KAZN: variants seen among roughly 807,000 people sequenced by gnomAD.
KAZN encodes the protein kazrin, periplakin interacting protein.
In KAZN, 40 loss-of-function variants were observed where a neutral mutation model predicts 87.4. The observed-to-expected ratio is 0.46, with a 90% CI of 0.36 to 0.60. The LOEUF (loss-of-function observed/expected upper bound fraction) is 0.60. KAZN is among the 20% of genes least tolerant of loss of function. The pLI is 0.00. For missense variants in KAZN, 898 were observed against 1,073.9 expected (o/e 0.84, Z 2.29); for synonymous variants, 466 against 458.3 (o/e 1.02, Z -0.22).
chr1:14,130,959 G>A (rs936649907), intron 1 of KAZN, among the ~76,000 whole-genome samples: 2 of 152,156 alleles, frequency 1.3e-5, no homozygotes, highest in Non-Finnish European at 2.9e-5. Context: ...GCACTGCTAT[G>A]AAGACATACC....
At chr1:14,002,859 A>T (rs1639859843) in intron 1 of KAZN, among the ~76,000 whole-genome samples, 1 of 152,198 alleles carries the variant, frequency 6.6e-6, no homozygotes, top group South Asian at 2.1e-4. Flanking sequence ...TACTGAGTAT[A>T]TACCCAAAGG....
intron 2 of KAZN, among the ~76,000 whole-genome samples, chr1:14,469,393 A>T (rs1668328609): frequency 6.6e-6 from 1 of 152,210 alleles, no homozygotes; most frequent in Admixed American, 6.5e-5. Flanking sequence ...GAAAACTAAA[A>T]ATTAGGAACT....
At chr1:14,543,219 G>A (rs533198152) in intron 2 of KAZN, among the ~76,000 whole-genome samples, 10 of 152,224 alleles carry the variant, frequency 6.6e-5, no homozygotes, top group Admixed American at 1.3e-4. Context: ...TACATCCTAG[G>A]GGCAGTGGCA....
chr1:13,921,370 T>C (rs577839378), intron 1 of KAZN, among the ~76,000 whole-genome samples: 20 of 152,330 alleles, frequency 1.3e-4, no homozygotes, highest in Admixed American at 2.0e-4. Context: ...AACTCTGTCA[T>C]TGCAGTGTGA....
chr1:15,082,975 G>C (rs952506552), intron 8 of KAZN, among the ~76,000 whole-genome samples: 1 of 152,138 alleles, frequency 6.6e-6, no homozygotes, highest in Non-Finnish European at 1.5e-5. Flanking sequence ...TGACATCCCT[G>C]ATCTAAAGAC....
intron 1 of KAZN, among the ~76,000 whole-genome samples, chr1:14,747,900 T>C (rs910365262): frequency 2.0e-5 from 3 of 152,250 alleles, no homozygotes; most frequent in African/African-American, 7.2e-5. Flanking sequence ...GAAGTGGTAT[T>C]CGGCTTATAT....
At chr1:14,711,858 A>G (rs935811254) in intron 1 of KAZN, among the ~76,000 whole-genome samples, 1 of 152,192 alleles carries the variant, frequency 6.6e-6, no homozygotes, top group Admixed American at 6.5e-5. Context: ...AAAGTCTGCG[A>G]CCAGATCCTG....
At position 14,944,473 on chromosome 1, in the gene KAZN, C is replaced by G. The variant is rs145740096; in HGVS notation, c.227-16211C>G. Among the ~76,000 whole-genome samples the G allele has an allele frequency of 3.9e-4, 59 of 152,210 alleles. No homozygotes were observed. The East Asian group carries it at 9.8e-3, about 25-fold the overall frequency. On this transcript the variant is annotated intron_variant, in intron 1 of 14. Transcript: ENST00000376030. ...GCCCCTGGAGATGGGATGGACCATT[C>G]TGGAATTGCAGGTCTCTCTCGCCTT...
intron 1 of KAZN, among the ~76,000 whole-genome samples, chr1:14,801,151 A>G (rs537109366): frequency 5.1e-4 from 77 of 151,972 alleles, no homozygotes; most frequent in African/African-American, 1.8e-3. Flanking sequence ...AGAGGCAGGC[A>G]GTGAGTGGGG....
intron 1 of KAZN, among the ~76,000 whole-genome samples, chr1:14,644,466 A>T (rs1166778128): frequency 2.0e-5 from 3 of 150,334 alleles, no homozygotes; most frequent in Non-Finnish European, 2.9e-5. Flanking sequence ...GGTTCACGCC[A>T]TGCTCCTGCC....
chr1:14,440,956 C>T (rs1571654581), intron 2 of KAZN, among the ~76,000 whole-genome samples: 1 of 152,152 alleles, frequency 6.6e-6, no homozygotes, highest in Non-Finnish European at 1.5e-5. Context: ...TCTCAGTGAA[C>T]CACAATCACC....
At chr1:14,432,365 G>A (rs554497710) in intron 2 of KAZN, among the ~76,000 whole-genome samples, 23 of 152,100 alleles carry the variant, frequency 1.5e-4, no homozygotes, top group Non-Finnish European at 3.2e-4. Flanking sequence ...AACAAGAAAC[G>A]TCAGTTTAAT....
At position 14,238,484 on chromosome 1, in the gene KAZN, G is replaced by A. The variant is rs78063183; in HGVS notation, c.249+57892G>A. On this transcript the variant is annotated intron_variant, in intron 2 of 16. Transcript: ENST00000636203. The stretch of plus-strand genomic sequence containing the variant: ...GGAGTCATTTGGGACTGGGTTGGGT[G>A]GGTTAAATTCAGAACTGATTATCAT... Among the ~76,000 whole-genome samples, 167 of 152,272 alleles carry A rather than the reference G, an allele frequency of 1.1e-3. 2 individuals are homozygous for A. The East Asian group carries it at 0.018, about 16-fold the overall frequency.
At chr1:14,605,093 C>T (rs897608282) in intron 1 of KAZN, among the ~76,000 whole-genome samples, 13 of 152,220 alleles carry the variant, frequency 8.5e-5, no homozygotes, top group African/African-American at 3.1e-4. Context: ...CTCATCTTTG[C>T]ATACCTCACT....
chr1:14,405,647 T>TGTGTGTGTGTGTG (rs747253895), intron 2 of KAZN, among the ~76,000 whole-genome samples: 1 of 150,114 alleles, frequency 6.7e-6, no homozygotes, highest in Non-Finnish European at 1.5e-5. Context: ...TGTGTGTGTG[T>TGTGTGTGTGTGTG]TTATACAGAG....
chr1:14,783,490 A>G (rs185996704), intron 1 of KAZN, among the ~76,000 whole-genome samples: 1 of 152,232 alleles, frequency 6.6e-6, no homozygotes, highest in East Asian at 1.9e-4. Context: ...GCTTGCATTC[A>G]GGCATTTATT....
chr1:14,549,886 T>C (rs1233089622), intron 2 of KAZN, among the ~76,000 whole-genome samples: 3 of 152,220 alleles, frequency 2.0e-5, no homozygotes, highest in Non-Finnish European at 4.4e-5. Flanking sequence ...GTTTTCTCTT[T>C]CTTTATTTTT....
chr1:14,484,317 T>C (rs1669236390), intron 2 of KAZN, among the ~76,000 whole-genome samples: 1 of 152,190 alleles, frequency 6.6e-6, no homozygotes, highest in Admixed American at 6.5e-5. Context: ...ATTATATTCT[T>C]GAAAATTGCT....
At chr1:14,884,826 A>T (rs775844690) in intron 1 of KAZN, among the ~76,000 whole-genome samples, 1 of 152,192 alleles carries the variant, frequency 6.6e-6, no homozygotes, top group Admixed American at 6.5e-5. Flanking sequence ...ACAGTTTTTC[A>T]TAACTGAGCA....
Sources: gnomAD v4.1 joint callset for allele counts (sites outside exome capture counted in the v4.1 genomes callset) on GRCh38, gnomAD v4.1.1 for gene constraint, MANE v1.5 for transcripts, NCBI Gene and HGNC (gene_info 2026-07-23, HGNC 2026-07-21) for gene names.